The following SGK3 variants were observed in gnomAD, a reference collection of about 807,000 sequenced individuals.
SGK3 encodes serine/threonine-protein kinase Sgk3.
SGK3 carries 47 observed loss-of-function variants against 68.5 expected under a neutral mutation model. The observed-to-expected ratio is 0.69, with a 90% CI of 0.54 to 0.87. The LOEUF is 0.87. Among genes scored for constraint, SGK3 ranks in the 40% least tolerant of loss-of-function variants. The pLI is 0.00. For missense variants in SGK3, 479 were observed against 575.5 expected, an observed-to-expected ratio of 0.83 and a Z score of 1.72; for synonymous variants, 181 against 189.1, an observed-to-expected ratio of 0.96 and a Z score of 0.35.
chr8:66,778,877 C>A (rs990300761), intron 1 of SGK3, among the ~76,000 whole-genome samples: 9 of 152,116 alleles, frequency 5.9e-5, no homozygotes, highest in Non-Finnish European at 1.3e-4. Flanking sequence ...CAGGAGAAGA[C>A]AACTTTATTG....
chr8:66,856,071 C>CTT (rs60655532), intron 16 of SGK3, among the ~76,000 whole-genome samples: 17 of 144,014 alleles, frequency 1.2e-4, no homozygotes, highest in Non-Finnish European at 2.3e-4. Context: ...CTCAACTGTT[C>CTT]TTTTTTTTTT....
chr8:66,720,929 G>A (rs1219290015), intron 1 of SGK3, among the ~76,000 whole-genome samples: 2 of 152,112 alleles, frequency 1.3e-5, no homozygotes, highest in Non-Finnish European at 2.9e-5. Flanking sequence ...TTGGGTGACA[G>A]AGTGAGACCC....
chr8:66,726,328 G>C (rs933626376), intron 1 of SGK3, among the ~76,000 whole-genome samples: 1 of 152,128 alleles, frequency 6.6e-6, no homozygotes, highest in African/African-American at 2.4e-5. Flanking sequence ...GGCAACACGA[G>C]GCAGAGCTGA....
intron 1 of SGK3, among the ~76,000 whole-genome samples, chr8:66,733,949 T>C (rs1805239578): frequency 6.6e-6 from 1 of 152,212 alleles, no homozygotes; most frequent in South Asian, 2.1e-4. Flanking sequence ...AGAACAGTAA[T>C]GCAGTTGTAC....
At chr8:66,829,286 C>G (rs1362007272) in intron 7 of SGK3, among the ~76,000 whole-genome samples, 1 of 151,966 alleles carries the variant, frequency 6.6e-6, no homozygotes, top group Admixed American at 6.6e-5. Context: ...TTGTAATTAT[C>G]CTTACAGGCG....
At chr8:66,854,981 TCTAA>T (rs1810449275) in intron 16 of SGK3, among the ~76,000 whole-genome samples, 1 of 152,086 alleles carries the variant, frequency 6.6e-6, no homozygotes, top group South Asian at 2.1e-4. Flanking sequence ...AGACCCTGTC[TCTAA>T]CAACAACAAC....
chr8:66,743,561 C>T (rs952648437), intron 1 of SGK3, among the ~76,000 whole-genome samples: 1 of 152,228 alleles, frequency 6.6e-6, no homozygotes, highest in African/African-American at 2.4e-5. Context: ...TGGAGTTTTG[C>T]TCTTTTTGCC....
chr8:66,829,125 T>C (rs1809193305), intron 7 of SGK3, among the ~76,000 whole-genome samples: 1 of 152,124 alleles, frequency 6.6e-6, no homozygotes, highest in African/African-American at 2.4e-5. Flanking sequence ...CCCCTGTTGT[T>C]AGCCAGCTTC....
intron 1 of SGK3, among the ~76,000 whole-genome samples, chr8:66,747,071 AG>A (rs1805674757): frequency 1.3e-5 from 2 of 151,558 alleles, no homozygotes; most frequent in Admixed American, 6.6e-5. Context: ...CAAAAAAAAA[AG>A]GGTTTTTTTT....
intron 2 of SGK3, among the ~76,000 whole-genome samples, chr8:66,796,523 C>G (rs1251384430): frequency 6.6e-6 from 1 of 151,230 alleles, no homozygotes; most frequent in Admixed American, 6.6e-5. Context: ...GTCTCGAACT[C>G]CTGGGCTCAA....
intron 2 of SGK3, among the ~76,000 whole-genome samples, 181 bp downstream of exon 2, chr8:66,794,013 C>A (rs545291322): frequency 2.6e-5 from 4 of 152,184 alleles, no homozygotes; most frequent in Non-Finnish European, 5.9e-5. Flanking sequence ...AATAAATTTT[C>A]CTTTTTTAGT....
At chr8:66,723,121 A>G (rs1341574280) in intron 1 of SGK3, among the ~76,000 whole-genome samples, 1 of 50,882 alleles carries the variant, frequency 2.0e-5, no homozygotes, top group Non-Finnish European at 3.5e-5. Flanking sequence ...ATATATATAT[A>G]TATATATATA....
chr8:66,761,901 G>C (rs1806175746), intron 1 of SGK3, among the ~76,000 whole-genome samples: 1 of 152,174 alleles, frequency 6.6e-6, no homozygotes, highest in Non-Finnish European at 1.5e-5. Context: ...TCAACAGTTA[G>C]CTAATTATGG....
chr8:66,804,504 A>G, intron 4 of SGK3, 57 bp downstream of exon 4: 1 of 1,561,318 alleles, frequency 6.4e-7, no homozygotes, highest in Non-Finnish European at 8.8e-7. Context: ...TGAAGAAGTA[A>G]ATTAATGTAT....
chr8:66,776,001 G>A (rs1317787854), intron 1 of SGK3, among the ~76,000 whole-genome samples: 1 of 152,138 alleles, frequency 6.6e-6, no homozygotes, highest in African/African-American at 2.4e-5. Context: ...TTAATACCTG[G>A]CTCATAGTCC....
Position 66,799,876 on chromosome 8 carries a change from G to A in SGK3, c.180+1251G>A, listed in dbSNP as rs199928775. Among the ~76,000 whole-genome samples the A allele has an allele frequency of 4.4e-4, 67 of 152,122 alleles. 1 individual carries two copies. The East Asian group carries it at 0.012, about 28-fold the overall frequency. ...TGGCCTCATGTGATCCGCCCACCTC[G>A]GCCTCCTAATGTGCTAAGATTACAG... On this transcript the variant is annotated intron_variant, in intron 3 of 16. Transcript: ENST00000521198.
At chr8:66,755,711 T>A (rs910818341) in intron 1 of SGK3, among the ~76,000 whole-genome samples, 1 of 152,198 alleles carries the variant, frequency 6.6e-6, no homozygotes, top group African/African-American at 2.4e-5. Context: ...GTGGTGAACA[T>A]GACAGACGCA....
At chr8:66,836,205 G>A in intron 10 of SGK3, 131 bp downstream of exon 10, 6 of 1,198,030 alleles carry the variant, frequency 5.0e-6, no homozygotes, top group Non-Finnish European at 6.9e-6. Context: ...TCAAGGTACT[G>A]GCTGAGTACA....
chr8:66,856,696 A>G lies in SGK3; in HGVS notation c.1321-2715A>G, dbSNP rs562876496. Among the ~76,000 whole-genome samples, 9 of 152,330 alleles carry G rather than the reference A, an allele frequency of 5.9e-5. No individual in the cohort carries two copies. The South Asian group carries it at 1.9e-3, about 32-fold the overall frequency. Reference sequence around the variant, plus strand: ...CATTGCCATCATTTGAGTGCCTTCTACATGTTAGATTCTGGAAATTTTATT... The same window carrying G: ...CATTGCCATCATTTGAGTGCCTTCTGCATGTTAGATTCTGGAAATTTTATT... On this transcript the variant is annotated intron_variant, in intron 16 of 16. Coordinates refer to ENST00000521198, the MANE Select transcript of SGK3 (RefSeq NM_001033578.3).
Sources: allele counts gnomAD v4.1 joint callset (sites outside exome capture counted in the v4.1 genomes callset), GRCh38; gene constraint gnomAD v4.1.1; transcripts MANE v1.5; gene names NCBI Gene and HGNC (gene_info 2026-07-23, HGNC 2026-07-21).